Variants in NCAM2 observed in about 807,000 individuals in gnomAD.
The protein encoded by NCAM2 is N-CAM-2.
Under a neutral mutation model 98.1 loss-of-function variants are expected in NCAM2, and 30 were observed. That is an observed-to-expected ratio of 0.31 (90% CI 0.23 to 0.41). NCAM2 has a LOEUF of 0.41. NCAM2 is among the 10% of genes least tolerant of loss of function. NCAM2 has a pLI of 1.00. For missense variants in NCAM2, 867 were observed against 1,005.8 expected, an observed-to-expected ratio of 0.86 and a Z score of 1.87; for synonymous variants, 368 against 342.4, an observed-to-expected ratio of 1.07 and a Z score of -0.83.
At chr21:21,279,208 A>G (rs1372089870) in intron 1 of NCAM2, among the ~76,000 whole-genome samples, 1 of 152,078 alleles carries the variant, frequency 6.6e-6, no homozygotes, top group Non-Finnish European at 1.5e-5. Context: ...ATATGGCAAA[A>G]CTTCTGGTTT....
At chr21:21,193,620 C>T (rs894386633) in intron 1 of NCAM2, among the ~76,000 whole-genome samples, 2 of 151,626 alleles carry the variant, frequency 1.3e-5, no homozygotes, top group Non-Finnish European at 2.9e-5. Context: ...CTCAGCCTCC[C>T]GAGTAGCTGG....
At chr21:21,041,530 TC>T (rs1397542558) in intron 1 of NCAM2, among the ~76,000 whole-genome samples, 1 of 152,200 alleles carries the variant, frequency 6.6e-6, no homozygotes, top group African/African-American at 2.4e-5. Flanking sequence ...TATAAGTGCT[TC>T]TCAGCTTCCT....
intron 1 of NCAM2, among the ~76,000 whole-genome samples, chr21:21,279,172 T>C (rs1453625939): frequency 6.6e-6 from 1 of 152,170 alleles, no homozygotes; most frequent in Non-Finnish European, 1.5e-5. Context: ...AAAGAACACG[T>C]TTATAATTAA....
At chr21:21,215,602 C>T (rs530890623) in intron 1 of NCAM2, among the ~76,000 whole-genome samples, 48 of 152,206 alleles carry the variant, frequency 3.2e-4, no homozygotes, top group Non-Finnish European at 5.6e-4. Context: ...GTGGTGCAAG[C>T]CTGTCATCCC....
At chr21:21,469,415 A>G (rs1984138942) in intron 14 of NCAM2, among the ~76,000 whole-genome samples, 1 of 152,010 alleles carries the variant, frequency 6.6e-6, no homozygotes, top group Non-Finnish European at 1.5e-5. Flanking sequence ...ATGATTTCAA[A>G]AGCCACTGAA....
intron 1 of NCAM2, among the ~76,000 whole-genome samples, chr21:21,219,581 C>T (rs191150497): frequency 4.4e-4 from 67 of 152,262 alleles, no homozygotes; most frequent in African/African-American, 1.5e-3. Flanking sequence ...AGTCAATAAA[C>T]GCATAGCACA....
intron 1 of NCAM2, among the ~76,000 whole-genome samples, chr21:21,050,980 T>C (rs147542759): frequency 6.6e-6 from 1 of 152,184 alleles, no homozygotes; most frequent in Non-Finnish European, 1.5e-5. Flanking sequence ...TTTAAAGTTG[T>C]TATTTTTCAG....
chr21:21,349,470 ACT>A (rs1413451811), intron 8 of NCAM2, among the ~76,000 whole-genome samples: 2 of 152,252 alleles, frequency 1.3e-5, no homozygotes, highest in Admixed American at 1.3e-4. Context: ...ACCTTTGTAC[ACT>A]CTGAGTGGGG....
At chr21:21,143,907 A>G (rs2067220918) in intron 1 of NCAM2, among the ~76,000 whole-genome samples, 1 of 150,002 alleles carries the variant, frequency 6.7e-6, no homozygotes, top group Admixed American at 6.7e-5. Context: ...TTGTGATCAT[A>G]TTGGCATTGC....
intron 1 of NCAM2, among the ~76,000 whole-genome samples, chr21:21,184,133 A>G (rs537360719): frequency 6.6e-6 from 1 of 151,934 alleles, no homozygotes; most frequent in African/African-American, 2.4e-5. Flanking sequence ...TTATTGTACA[A>G]TTTTTGTTTG....
chr21:21,154,726 A>T (rs533304191), intron 1 of NCAM2, among the ~76,000 whole-genome samples: 11 of 152,054 alleles, frequency 7.2e-5, no homozygotes, highest in Non-Finnish European at 1.6e-4. Context: ...TATAGATTTA[A>T]GCTAAATATT....
chr21:21,221,413 A>G (rs1257369273), intron 1 of NCAM2, among the ~76,000 whole-genome samples: 1 of 152,056 alleles, frequency 6.6e-6, no homozygotes, highest in Non-Finnish European at 1.5e-5. Context: ...GCTGAAAGCT[A>G]TCCTCTCACT....
chr21:21,098,731 A>G (rs1166589976), intron 1 of NCAM2, among the ~76,000 whole-genome samples: 1 of 151,848 alleles, frequency 6.6e-6, no homozygotes, highest in Non-Finnish European at 1.5e-5. Context: ...CTTTATCTGA[A>G]TGTTTATTAA....
intron 14 of NCAM2, among the ~76,000 whole-genome samples, chr21:21,475,052 A>G (rs540202416): frequency 1.9e-4 from 29 of 151,070 alleles, no homozygotes; most frequent in African/African-American, 7.0e-4. Context: ...ATATATATAT[A>G]TATACACAAT....
chr21:21,166,012 G>A (rs367648619), intron 1 of NCAM2, among the ~76,000 whole-genome samples: 65 of 152,186 alleles, frequency 4.3e-4, no homozygotes, highest in African/African-American at 1.5e-3. Flanking sequence ...TGGGACCCCC[G>A]CTGTGATGCC....
intron 1 of NCAM2, among the ~76,000 whole-genome samples, chr21:21,037,143 A>T (rs1485378263): frequency 6.6e-6 from 1 of 152,084 alleles, no homozygotes; most frequent in Non-Finnish European, 1.5e-5. Flanking sequence ...GAATCTTTCC[A>T]TCAGTCTCCC....
At chr21:21,141,191 A>G (rs1412902229) in intron 1 of NCAM2, among the ~76,000 whole-genome samples, 2 of 152,166 alleles carry the variant, frequency 1.3e-5, no homozygotes, top group Non-Finnish European at 2.9e-5. Context: ...GTTTTTCGCT[A>G]GAAATTTTGT....
At chr21:21,306,702 C>T (rs1007472968) in intron 5 of NCAM2, among the ~76,000 whole-genome samples, 1 of 152,078 alleles carries the variant, frequency 6.6e-6, no homozygotes, top group Non-Finnish European at 1.5e-5. Context: ...ACAAACAATC[C>T]AGTTACACTC....
At position 21,466,635 on chromosome 21, in the gene NCAM2, A is replaced by G. The variant is rs1983719500; in HGVS notation, c.1684A>G (p.Asn562Asp). 3 of 1,607,180 alleles carry G rather than the reference A, an allele frequency of 1.9e-6. No homozygotes were observed. Among genetic ancestry groups the G allele is most frequent in the Non-Finnish European group, 2.6e-6 (3 of 1,176,122 alleles). The change falls in exon 13 of 18, where the codon AAT becomes GAT. Residue 562 changes from asparagine (N) to aspartate (D), a missense_variant. Physicochemically the swap from Asn to Asp is conservative, Grantham distance 23. Around this residue, in one of 5 missense-constraint regions of NCAM2, gnomAD observed 234 missense variants for 333.8 expected, o/e 0.70. Coordinates refer to ENST00000400546, the MANE Select transcript of NCAM2 (RefSeq NM_004540.5). ...TMVVLNNLEP[N>D]TTYEIRVAAV... ...GGTTGTTTTGAACAACCTGGAACCA[A>G]ATACAACTTATGAAATCAGGGTTGC...
Sources: gnomAD v4.1 joint callset for allele counts (sites outside exome capture counted in the v4.1 genomes callset) on GRCh38, gnomAD v4.1.1 for gene constraint, gnomAD v4.1.1 regional missense constraint, MANE v1.5 for transcripts, NCBI Gene and HGNC (gene_info 2026-07-23, HGNC 2026-07-21) for gene names.